Variants in CEPT1 observed in about 807,000 individuals in gnomAD.
CEPT1 encodes the protein choline/ethanolamine phosphotransferase 1.
Under a neutral mutation model 42.6 loss-of-function variants are expected in CEPT1, and 7 were observed. That is an observed-to-expected ratio of 0.16 (90% CI 0.09 to 0.31). The LOEUF (loss-of-function observed/expected upper bound fraction) is 0.31, where lower values mean the gene tolerates loss of function less well. Ranked by LOEUF, CEPT1 falls within the 10% of genes least tolerant of loss-of-function variation. The pLI, the probability that CEPT1 is intolerant of heterozygous loss-of-function variation, is 1.00. For missense variants in CEPT1, 306 were observed against 502.1 expected (o/e 0.61, Z 3.73); for synonymous variants, 171 against 171.9 (o/e 0.99, Z 0.04).
intron 2 of CEPT1, among the ~76,000 whole-genome samples, chr1:111,158,227 G>A (rs909198958): frequency 3.3e-5 from 5 of 152,126 alleles, no homozygotes; most frequent in Admixed American, 6.5e-5. Context: ...TGTGGCACAT[G>A]CCTATAATCC....
At chr1:111,142,045 G>T (rs939343945) in intron 1 of CEPT1, among the ~76,000 whole-genome samples, 5 of 152,032 alleles carry the variant, frequency 3.3e-5, no homozygotes, top group African/African-American at 1.2e-4. Flanking sequence ...CACTGCTCAG[G>T]AGTTAGAGAT....
At chr1:111,178,226 C>T (rs1386603743) in intron 5 of CEPT1, 1 of 152,180 alleles carries the variant, frequency 6.6e-6, no homozygotes, top group East Asian at 1.9e-4. Context: ...AAATTGCCTT[C>T]CAAATCCTCA....
At chr1:111,183,351 G>A in intron 7 of CEPT1, 111 bp from the exon 8 acceptor site, 1 of 1,249,408 alleles carries the variant, frequency 8.0e-7, no homozygotes, top group Non-Finnish European at 1.1e-6. Flanking sequence ...GAATTCAACA[G>A]CTATTCCTAA....
chr1:111,150,211 A>C (rs1655194794), intron 2 of CEPT1, among the ~76,000 whole-genome samples: 1 of 152,220 alleles, frequency 6.6e-6, no homozygotes, highest in African/African-American at 2.4e-5. Flanking sequence ...TTCTATGACA[A>C]GCTGTTATCT....
At chr1:111,166,353 T>C (rs1432026793) in intron 4 of CEPT1, among the ~76,000 whole-genome samples, 1 of 152,240 alleles carries the variant, frequency 6.6e-6, no homozygotes, top group Non-Finnish European at 1.5e-5. Context: ...TTATCTGTGT[T>C]TCCAAACTTT....
chr1:111,181,138 T>G (rs570164943), intron 5 of CEPT1: 87 of 152,222 alleles, frequency 5.7e-4, no homozygotes, highest in African/African-American at 2.0e-3. Flanking sequence ...TACTCCAGCC[T>G]GGGTGACAGA....
chr1:111,184,211 G>T lies in CEPT1; in HGVS notation c.1152G>T (p.Leu384Phe). Reference protein sequence around the residue: ...WIALVFSFFDLIRYCVSVCNQ... With the variant: ...WIALVFSFFDFIRYCVSVCNQ... ...TCCAGGTTTTCTCTTTCTTTGATTT[G>T]ATCCGCTACTGTGTCAGTGTTTGCA... The change falls in exon 9 of 9, where the codon TTG (leucine) becomes TTT (phenylalanine). Residue 384 changes from leucine to phenylalanine, a missense_variant. By Grantham distance (22) the Leu-to-Phe change is conservative. Around this residue, in one of 2 missense-constraint regions of CEPT1, gnomAD observed 253 missense variants for 447.3 expected, o/e 0.57. Coordinates refer to ENST00000357172, the MANE Select transcript of CEPT1 (RefSeq NM_006090.5). The T allele has an allele frequency of 6.2e-7, 1 of 1,613,466 alleles. No homozygotes were observed. The highest frequency in any genetic ancestry group is 1.1e-5 in the South Asian group (1 of 91,048).
At chr1:111,164,588 A>G (rs189532050) in intron 4 of CEPT1, among the ~76,000 whole-genome samples, 2 of 151,436 alleles carry the variant, frequency 1.3e-5, no homozygotes, top group Non-Finnish European at 3.0e-5. Context: ...TAAGACCTAA[A>G]CTATCTATAT....
intron 4 of CEPT1, among the ~76,000 whole-genome samples, chr1:111,170,528 T>C (rs1656366710): frequency 6.6e-6 from 1 of 152,206 alleles, no homozygotes; most frequent in Non-Finnish European, 1.5e-5. Context: ...AAGATTACCA[T>C]GTCCAGTTTG....
intron 4 of CEPT1, among the ~76,000 whole-genome samples, chr1:111,164,528 TACTGA>T (rs1458802940): frequency 1.2e-4 from 18 of 152,244 alleles, no homozygotes; most frequent in Non-Finnish European, 2.2e-4. Context: ...TCTTAAATTA[TACTGA>T]ATATCTCCCA....
intron 2 of CEPT1, among the ~76,000 whole-genome samples, chr1:111,151,114 GTTTTTTTTTGTTTGTT>G (rs1471938414): frequency 6.9e-6 from 1 of 144,668 alleles, no homozygotes; most frequent in Admixed American, 6.9e-5. Flanking sequence ...AGCACTGCTT[GTTTTTTTTTGTTTGTT>G]TTTTTTTTTT....
In CEPT1 at chr1:111,159,443, A is replaced by G; in HGVS notation, c.403A>G (p.Ile135Val). The stretch of plus-strand genomic sequence containing the variant: ...TTTCATTTACCAGTCTTTGGATGCT[A>G]TTGATGGGAAACAGGCAAGAAGAAC... ...GLFIYQSLDA[I>V]DGKQARRTNS... The change falls in exon 3 of 9, where the codon ATT (isoleucine) becomes GTT (valine). Residue 135 changes from isoleucine to valine, a missense_variant. Ile to Val is a conservative substitution (Grantham distance 29, BLOSUM62 3). This residue lies in a region of CEPT1 where 253 missense variants were observed against 447.3 expected (regional missense o/e 0.57). Transcript: ENST00000357172. 2 of 1,613,490 alleles carry G rather than the reference A, an allele frequency of 1.2e-6. No homozygotes were observed. The highest frequency in any genetic ancestry group is 1.7e-6 in the Non-Finnish European group (2 of 1,179,768).
intron 2 of CEPT1, among the ~76,000 whole-genome samples, chr1:111,150,674 A>C (rs2101253575): frequency 6.6e-6 from 1 of 152,306 alleles, no homozygotes; most frequent in Admixed American, 6.5e-5. Context: ...AGTTTCAGAC[A>C]CCAATCTTTC....
At chr1:111,151,269 G>T (rs1291270520) in intron 2 of CEPT1, among the ~76,000 whole-genome samples, 1 of 152,096 alleles carries the variant, frequency 6.6e-6, no homozygotes, top group Non-Finnish European at 1.5e-5. Flanking sequence ...GACTACAGGC[G>T]CACGCCGCCA....
intron 7 of CEPT1, 141 bp from the exon 8 acceptor site, chr1:111,183,321 T>G (rs1657083446): frequency 1.2e-5 from 11 of 897,946 alleles, no homozygotes; most frequent in Non-Finnish European, 1.7e-5. Context: ...CATTTCATAT[T>G]GTTGGGTTTT....
intron 2 of CEPT1, among the ~76,000 whole-genome samples, chr1:111,159,098 A>AACT (rs1655737364): frequency 6.7e-6 from 1 of 150,188 alleles, no homozygotes; most frequent in Non-Finnish European, 1.5e-5. Flanking sequence ...TATTTTTAGT[A>AACT]GAGACGGGGT....
chr1:111,161,541 C>G (rs1459952882), intron 4 of CEPT1, among the ~76,000 whole-genome samples: 2 of 152,048 alleles, frequency 1.3e-5, no homozygotes, highest in African/African-American at 4.8e-5. Context: ...AAGCAGTAGC[C>G]CCTCATCTTT....
intron 1 of CEPT1, among the ~76,000 whole-genome samples, chr1:111,146,729 A>G (rs538314625): frequency 2.4e-4 from 36 of 152,110 alleles, no homozygotes; most frequent in Non-Finnish European, 4.7e-4. Context: ...TTCTAAATGA[A>G]ATACAAATAC....
chr1:111,182,866 A>G lies in CEPT1; in HGVS notation c.914A>G (p.Lys305Arg). 1.2e-6 allele frequency: 2 copies of G among 1,613,542 alleles called. No homozygotes were observed. The highest frequency in any genetic ancestry group is 1.7e-6 in the Non-Finnish European group (2 of 1,179,480). Residue 305 changes from lysine (K) to arginine (R), a missense_variant, in exon 7 of 9, where the codon AAG becomes AGG. Lys to Arg is a conservative substitution (Grantham distance 26). Around this residue, in one of 2 missense-constraint regions of CEPT1, gnomAD observed 253 missense variants for 447.3 expected, o/e 0.57. Transcript: ENST00000357172. ...ATTACATTAGCTGCAATGATCTACA[A>G]GAAATCTGCAGTTCAGCTTTTTGAA... ...SVITLAAMIY[K>R]KSAVQLFEKH...
Sources: gnomAD v4.1 joint callset for allele counts (sites outside exome capture counted in the v4.1 genomes callset) on GRCh38, gnomAD v4.1.1 for gene constraint, gnomAD v4.1.1 regional missense constraint, MANE v1.5 for transcripts, NCBI Gene and HGNC (gene_info 2026-07-23, HGNC 2026-07-21) for gene names.